PDGFD: variants seen among roughly 807,000 people sequenced by gnomAD.
PDGFD encodes the protein platelet derived growth factor D.
Under a neutral mutation model 44.7 loss-of-function variants are expected in PDGFD, and 30 were observed. The ratio of observed to expected loss-of-function variants is 0.67; its 90% CI spans 0.50 to 0.91. PDGFD has a LOEUF of 0.91. PDGFD is among the 40% of genes least tolerant of loss of function. The pLI, the probability that PDGFD is intolerant of heterozygous loss-of-function variation, is 0.00. For missense variants in PDGFD, 445 were observed against 457.8 expected (o/e 0.97, Z 0.25); for synonymous variants, 173 against 168.4 (o/e 1.03, Z -0.21).
chr11:103,997,258 G>A (rs1859547348), intron 2 of PDGFD, among the ~76,000 whole-genome samples: 1 of 152,088 alleles, frequency 6.6e-6, no homozygotes, highest in African/African-American at 2.4e-5. Flanking sequence ...GTGAACAGTG[G>A]CAGAAATCTC....
intron 1 of PDGFD, among the ~76,000 whole-genome samples, chr11:104,114,569 A>T (rs914633630): frequency 1.3e-5 from 2 of 151,970 alleles, no homozygotes; most frequent in Non-Finnish European, 1.5e-5. Context: ...ATATTGTATT[A>T]TCTCTTCACG....
chr11:104,067,520 T>C (rs1860807155), intron 1 of PDGFD, among the ~76,000 whole-genome samples: 1 of 152,162 alleles, frequency 6.6e-6, no homozygotes, highest in Non-Finnish European at 1.5e-5. Context: ...CTCACACATA[T>C]GTACCTTTCT....
chr11:104,035,043 T>G (rs780235268), intron 1 of PDGFD, among the ~76,000 whole-genome samples: 1 of 151,904 alleles, frequency 6.6e-6, no homozygotes. Context: ...CAGCCTTGTA[T>G]GTGTGTGTGT....
intron 3 of PDGFD, among the ~76,000 whole-genome samples, chr11:103,972,252 C>T (rs1859115800): frequency 6.6e-6 from 1 of 152,104 alleles, no homozygotes; most frequent in African/African-American, 2.4e-5. Flanking sequence ...GCATTCCTGT[C>T]CTCCGCCCAC....
intron 1 of PDGFD, among the ~76,000 whole-genome samples, chr11:104,056,670 T>C (rs113764113): frequency 8.5e-5 from 13 of 152,314 alleles, no homozygotes; most frequent in African/African-American, 3.1e-4. Flanking sequence ...CTACCAACAG[T>C]TGCTTCTAAG....
intron 3 of PDGFD, among the ~76,000 whole-genome samples, chr11:103,955,200 A>C (rs1246283795): frequency 2.3e-5 from 3 of 131,122 alleles, no homozygotes; most frequent in East Asian, 2.2e-4. Context: ...AAAAAAAAAA[A>C]AAAAAAAAAC....
Position 103,907,863 on chromosome 11 carries a change from A to C in PDGFD, c.*1831T>G, listed in dbSNP as rs1336197907. The C allele has an allele frequency of 1.3e-5, 2 of 152,206 alleles. No homozygotes were observed. The highest frequency in any genetic ancestry group is 4.8e-5 in the African/African-American group (2 of 41,446). The allele number at this position is 152,206 out of a possible 1,614,324, so 9.4% of individuals were successfully genotyped here. On this transcript the variant is annotated 3_prime_UTR_variant, in exon 7 of 7. Transcript: ENST00000393158. ...TGTGTTCTGGGATTTTAGAGAATTG[A>C]ACAATAGAGTATTTAATTTTACCAC...
At chr11:104,010,544 T>C (rs1239068382) in intron 1 of PDGFD, among the ~76,000 whole-genome samples, 1 of 152,122 alleles carries the variant, frequency 6.6e-6, no homozygotes. Flanking sequence ...AAATAGCTTG[T>C]ATTTTATAGG....
chr11:103,993,674 A>C (rs890876963), intron 3 of PDGFD, among the ~76,000 whole-genome samples: 5 of 152,162 alleles, frequency 3.3e-5, no homozygotes, highest in African/African-American at 1.2e-4. Context: ...ACCATATGTG[A>C]TCTATCCCTG....
intron 1 of PDGFD, among the ~76,000 whole-genome samples, chr11:104,144,052 G>T (rs1373178985): frequency 6.6e-6 from 1 of 152,096 alleles, no homozygotes; most frequent in Non-Finnish European, 1.5e-5. Context: ...TTGCTAAAAA[G>T]TCAAACCTCC....
intron 1 of PDGFD, among the ~76,000 whole-genome samples, chr11:104,143,846 T>C (rs1158806947): frequency 1.3e-5 from 2 of 152,234 alleles, no homozygotes; most frequent in Non-Finnish European, 2.9e-5. Flanking sequence ...ATAAAACCAA[T>C]TTGTCTACTT....
intron 1 of PDGFD, among the ~76,000 whole-genome samples, chr11:104,159,836 C>A (rs1010552402): frequency 2.6e-5 from 4 of 152,122 alleles, no homozygotes; most frequent in African/African-American, 9.7e-5. Context: ...CTAGTAGCAT[C>A]CTCCACTACA....
chr11:104,092,212 C>T (rs1456112590), intron 1 of PDGFD, among the ~76,000 whole-genome samples: 1 of 152,120 alleles, frequency 6.6e-6, no homozygotes, highest in Non-Finnish European at 1.5e-5. Flanking sequence ...TCAACTACAT[C>T]ATGTGGTCTC....
chr11:103,993,012 T>G (rs1278291148), intron 3 of PDGFD, among the ~76,000 whole-genome samples: 1 of 152,112 alleles, frequency 6.6e-6, no homozygotes, highest in Admixed American at 6.6e-5. Flanking sequence ...TCCTAACAGC[T>G]ACTCTTCATT....
intron 1 of PDGFD, among the ~76,000 whole-genome samples, chr11:104,115,095 T>A (rs1256652277): frequency 2.6e-5 from 4 of 151,770 alleles, no homozygotes; most frequent in Non-Finnish European, 4.4e-5. Context: ...GTCATTCTTA[T>A]GCTTTACATC....
At chr11:103,928,398 C>T (rs1858350154) in intron 5 of PDGFD, among the ~76,000 whole-genome samples, 1 of 152,230 alleles carries the variant, frequency 6.6e-6, no homozygotes, top group Admixed American at 6.5e-5. Context: ...TCATTCTAAA[C>T]TCTAGCCCTG....
At chr11:104,138,989 T>C (rs1030074291) in intron 1 of PDGFD, among the ~76,000 whole-genome samples, 17 of 152,182 alleles carry the variant, frequency 1.1e-4, no homozygotes, top group Non-Finnish European at 2.9e-5. Context: ...CTCGAACTCC[T>C]GACCTCAGGT....
In PDGFD at chr11:104,075,737, C is replaced by T. The variant is rs144109888; in HGVS notation, c.125-75482G>A. Among the ~76,000 whole-genome samples the T allele has an allele frequency of 8.5e-5, 13 of 152,254 alleles. No homozygotes were observed. The East Asian group carries it at 2.5e-3, about 29-fold the overall frequency. ...GTCTCTCTCACCAGCGCTGCCATTA[C>T]CCCTGGTATCTGTCTCTCCCATGCT... On this transcript the variant is annotated intron_variant, in intron 1 of 6. Coordinates refer to ENST00000393158, the MANE Select transcript of PDGFD (RefSeq NM_025208.5).
intron 1 of PDGFD, among the ~76,000 whole-genome samples, chr11:104,020,210 T>C (rs1208429956): frequency 6.6e-6 from 1 of 152,178 alleles, no homozygotes; most frequent in Non-Finnish European, 1.5e-5. Context: ...TAATGCTGTA[T>C]TTTAAATTTG....
Sources: gnomAD v4.1 joint callset for allele counts (sites outside exome capture counted in the v4.1 genomes callset) on GRCh38, gnomAD v4.1.1 for gene constraint, MANE v1.5 for transcripts, NCBI Gene and HGNC (gene_info 2026-07-23, HGNC 2026-07-21) for gene names.